Variants in CCDC149 observed in about 807,000 individuals in gnomAD.
CCDC149 encodes coiled-coil domain-containing protein 149.
A neutral mutation model predicts 59.9 loss-of-function variants in CCDC149; 45 were observed. The ratio of observed to expected loss-of-function variants is 0.75; its 90% CI spans 0.59 to 0.96. CCDC149 has a LOEUF of 0.96. Ranked by LOEUF, CCDC149 falls within the 40% of genes least tolerant of loss-of-function variation. The probability of loss-of-function intolerance (pLI) is 0.00; values close to 1 mark genes in which losing one functional copy is unlikely to be tolerated. For synonymous variants in CCDC149, 245 were observed against 260.6 expected, an observed-to-expected ratio of 0.94 and a Z score of 0.58; for missense variants, 584 against 664.7, an observed-to-expected ratio of 0.88 and a Z score of 1.33.
rs546888679 is a variant in CCDC149, at chr4:24,874,580, T to TCA, written c.226-863_226-862dup. Among the ~76,000 whole-genome samples, 152 of 151,970 alleles carry TCA rather than the reference T, an allele frequency of 1.0e-3. 1 individual carries two copies. Among genetic ancestry groups the TCA allele is most frequent in the African/African-American group, 3.5e-3 (143 of 41,408 alleles). ...CTGGGCAACAGAGTGAGACTCTGTC[T>TCA]CACACACACACACAAAAAAAGGATC... On this transcript the variant is annotated intron_variant, in intron 2 of 12. Coordinates refer to ENST00000635206, the MANE Select transcript of CCDC149 (RefSeq NM_001330643.2).
At chr4:24,876,490 A>G in intron 2 of CCDC149, 46 bp downstream of exon 2, 1 of 1,545,816 alleles carries the variant, frequency 6.5e-7, no homozygotes, top group African/African-American at 1.4e-5. Flanking sequence ...TTATATCTTA[A>G]TTCAGGGAAC....
At chr4:24,962,790 G>A (rs905196041) in intron 1 of CCDC149, among the ~76,000 whole-genome samples, 11 of 152,072 alleles carry the variant, frequency 7.2e-5, no homozygotes, top group East Asian at 1.9e-4. Context: ...GTTAAGTGAC[G>A]AGTTAGTGGG....
chr4:24,947,944 C>T (rs201588107), intron 1 of CCDC149, among the ~76,000 whole-genome samples: 1 of 151,926 alleles, frequency 6.6e-6, no homozygotes, highest in Non-Finnish European at 1.5e-5. Flanking sequence ...ATTCAATGAA[C>T]TGATTCAGAA....
chr4:24,917,348 C>T (rs757398581), upstream of CCDC149, among the ~76,000 whole-genome samples: 8 of 152,232 alleles, frequency 5.3e-5, no homozygotes, highest in Non-Finnish European at 1.0e-4. Context: ...GCTGAACTGC[C>T]GCGCTCACAG....
intron 1 of CCDC149, among the ~76,000 whole-genome samples, chr4:24,896,859 A>AC (rs1720872606): frequency 6.6e-6 from 1 of 152,180 alleles, no homozygotes; most frequent in South Asian, 2.1e-4. Context: ...TTGGACCAAA[A>AC]GAAAAAAAAA....
intron 12 of CCDC149, among the ~76,000 whole-genome samples, chr4:24,810,476 T>G (rs1371004265): frequency 1.3e-5 from 2 of 152,114 alleles, no homozygotes; most frequent in Admixed American, 6.5e-5. Flanking sequence ...CCCTTTCCAG[T>G]CCCTTTTCTG....
intron 1 of CCDC149, among the ~76,000 whole-genome samples, chr4:24,927,512 C>T (rs543195963): frequency 1.4e-4 from 22 of 152,246 alleles, no homozygotes; most frequent in Non-Finnish European, 2.6e-4. Context: ...CTCAAGAACA[C>T]GACTCAAACT....
chr4:24,814,883 C>T (rs924399350), intron 12 of CCDC149, among the ~76,000 whole-genome samples: 1 of 152,216 alleles, frequency 6.6e-6, no homozygotes, highest in African/African-American at 2.4e-5. Context: ...GTCCCCAGCA[C>T]CTATACTTAG....
chr4:24,857,111 C>T (rs1718062705), intron 3 of CCDC149, among the ~76,000 whole-genome samples: 1 of 152,170 alleles, frequency 6.6e-6, no homozygotes, highest in South Asian at 2.1e-4. Flanking sequence ...AAATCTCCAA[C>T]CTCCCTAAGC....
At chr4:24,925,759 C>T (rs1000435999) in intron 1 of CCDC149, among the ~76,000 whole-genome samples, 3 of 152,212 alleles carry the variant, frequency 2.0e-5, no homozygotes, top group Non-Finnish European at 2.9e-5. Flanking sequence ...TAAGATATTT[C>T]TGAGGCTTAA....
chr4:24,883,769 C>T (rs147549051), intron 1 of CCDC149, among the ~76,000 whole-genome samples: 2 of 152,326 alleles, frequency 1.3e-5, no homozygotes, highest in African/African-American at 2.4e-5. Context: ...TTTGCAGACA[C>T]GTTCCCATTT....
chr4:24,877,428 C>T (rs1719533207), intron 1 of CCDC149, among the ~76,000 whole-genome samples: 1 of 152,102 alleles, frequency 6.6e-6, no homozygotes, highest in African/African-American at 2.4e-5. Context: ...AGGTGATCTG[C>T]CCACCTTGGC....
At chr4:24,813,514 ATATATATATATAT>A (rs1714795723) in intron 12 of CCDC149, among the ~76,000 whole-genome samples, 3 of 143,932 alleles carry the variant, frequency 2.1e-5, no homozygotes, top group Non-Finnish European at 4.5e-5. Context: ...ATATATATAT[ATATATATATATAT>A]AAAACCTAAA....
Position 24,910,055 on chromosome 4 carries a change from T to C in CCDC149, c.63+2762A>G, listed in dbSNP as rs73250626. Reference sequence around the variant, plus strand: ...ACAGGAGTGTATTCACTCACAGTTATAGAGGCCGGAAGTCCAAAAGCAAGG... The same window carrying C: ...ACAGGAGTGTATTCACTCACAGTTACAGAGGCCGGAAGTCCAAAAGCAAGG... On this transcript the variant is annotated intron_variant, in intron 1 of 12. Coordinates refer to ENST00000635206, the MANE Select transcript of CCDC149 (RefSeq NM_001330643.2). Among the ~76,000 whole-genome samples, 1,014 of 152,344 alleles carry C rather than the reference T, an allele frequency of 6.7e-3. 6 individuals are homozygous for C. The highest frequency in any genetic ancestry group is 0.012 in the Non-Finnish European group (789 of 68,032).
chr4:24,866,687 TA>T (rs1485803807), intron 3 of CCDC149, among the ~76,000 whole-genome samples: 1 of 151,228 alleles, frequency 6.6e-6, no homozygotes, highest in Non-Finnish European at 1.5e-5. Context: ...TTCGTTGTTT[TA>T]AAAAGGATTC....
chr4:24,905,410 C>T (rs201034014), intron 1 of CCDC149, among the ~76,000 whole-genome samples: 124 of 93,818 alleles, frequency 1.3e-3, no homozygotes, highest in African/African-American at 3.5e-3. Flanking sequence ...TTTTTGCGTG[C>T]GTGCGTGTGT....
At chr4:24,820,929 T>C (rs1715350982) in intron 11 of CCDC149, 126 bp downstream of exon 11, 2 of 472,854 alleles carry the variant, frequency 4.2e-6, no homozygotes, top group East Asian at 3.6e-5. Flanking sequence ...TCTATTTCAA[T>C]TGACTATTCT....
At chr4:24,923,868 A>G (rs1259042955) in intron 1 of CCDC149, among the ~76,000 whole-genome samples, 1 of 152,228 alleles carries the variant, frequency 6.6e-6, no homozygotes, top group African/African-American at 2.4e-5. Context: ...TTCACAAGAC[A>G]GGTTGCCAGG....
In CCDC149 at chr4:24,876,576, TC is replaced by T; in HGVS notation, c.184del (p.Glu62SerfsTer6). 1 of 1,614,098 alleles carries T rather than the reference TC, an allele frequency of 6.2e-7. No individual in the cohort carries two copies. The highest frequency in any genetic ancestry group is 8.5e-7 in the Non-Finnish European group (1 of 1,179,972). On this transcript the variant is annotated frameshift_variant, in exon 2 of 13. Transcript: ENST00000635206. LOFTEE classifies it high-confidence loss of function. Reference sequence around the variant, plus strand: ...CTTCTTCTTCAGTGACTGGTGGCGCTCCCGGAGCTGATTGGCCATGAGTTTG... The same window carrying T: ...CTTCTTCTTCAGTGACTGGTGGCGCTCCGGAGCTGATTGGCCATGAGTTTG...
Sources: allele counts gnomAD v4.1 joint callset (sites outside exome capture counted in the v4.1 genomes callset), GRCh38; gene constraint gnomAD v4.1.1; transcripts MANE v1.5; gene names NCBI Gene and HGNC (gene_info 2026-07-23, HGNC 2026-07-21).